The following MSRA variants were observed in gnomAD, a reference collection of about 807,000 sequenced individuals.
The protein encoded by MSRA is methionine sulfoxide reductase A.
MSRA carries 54 observed loss-of-function variants against 31.3 expected under a neutral mutation model. The observed-to-expected ratio is 1.73, with a 90% CI of 1.39 to 2.17. The LOEUF (loss-of-function observed/expected upper bound fraction) is 2.17. MSRA is among the 30% of genes most tolerant of loss of function. The pLI is 0.00. For synonymous variants in MSRA, 169 were observed against 116.5 expected (o/e 1.45, Z -2.90); for missense variants, 507 against 300.9 (o/e 1.69, Z -5.07).
intron 1 of MSRA, among the ~76,000 whole-genome samples, chr8:10,150,424 A>T (rs576077540): frequency 6.6e-6 from 1 of 152,334 alleles, no homozygotes; most frequent in Middle Eastern, 3.4e-3. Context: ...CTATTCAGTG[A>T]TATTAAATAC....
intron 1 of MSRA, among the ~76,000 whole-genome samples, chr8:10,068,783 A>ACAGTTTAGATGTTTAGAT (rs1563393588): frequency 2.6e-5 from 4 of 152,092 alleles, no homozygotes; most frequent in African/African-American, 9.7e-5. Context: ...TTCCATATAA[A>ACAGTTTAGATGTTTAGAT]GTTTAGAATC....
intron 1 of MSRA, among the ~76,000 whole-genome samples, chr8:10,186,248 G>A (rs1209855217): frequency 1.3e-5 from 2 of 152,058 alleles, no homozygotes; most frequent in African/African-American, 2.4e-5. Flanking sequence ...TCTAGGACAG[G>A]GGCTGGCAAA....
intron 1 of MSRA, among the ~76,000 whole-genome samples, chr8:10,160,837 T>C (rs1804576136): frequency 6.6e-6 from 1 of 152,238 alleles, no homozygotes; most frequent in Admixed American, 6.5e-5. Flanking sequence ...CGAGATTTCA[T>C]TTTTAAAAAA....
chr8:10,095,468 T>A, intron 1 of MSRA: 1 of 985,418 alleles, frequency 1.0e-6, no homozygotes, highest in Non-Finnish European at 1.2e-6. Context: ...AAAGGACATC[T>A]TTTGGAGACA....
At chr8:10,249,402 C>G (rs767432648) in intron 3 of MSRA, among the ~76,000 whole-genome samples, 3 of 152,212 alleles carry the variant, frequency 2.0e-5, no homozygotes, top group Non-Finnish European at 2.9e-5. Context: ...CCTCCATGAT[C>G]TTCCAAGGCT....
At position 10,196,321 on chromosome 8, in the gene MSRA, G is replaced by T. The variant is rs77432673; in HGVS notation, c.143-11512G>T. ...TTTTGGAGGCACACGTTGGGCTCCA[G>T]AGTGACAGTATGACTTGGGTGATAG... On this transcript the variant is annotated intron_variant, in intron 1 of 5. Transcript: ENST00000317173. Among the ~76,000 whole-genome samples, 1,164 of 152,280 alleles carry T rather than the reference G, an allele frequency of 7.6e-3. 68 individuals carry two copies. The East Asian group carries it at 0.15, about 20-fold the overall frequency.
chr8:10,229,358 C>T (rs1056617257), intron 2 of MSRA, among the ~76,000 whole-genome samples: 2 of 152,178 alleles, frequency 1.3e-5, no homozygotes, highest in Non-Finnish European at 2.9e-5. Flanking sequence ...GAGTTTTATG[C>T]TTGAGAAATG....
chr8:10,379,798 C>T (rs938986038), intron 5 of MSRA, among the ~76,000 whole-genome samples: 1 of 152,226 alleles, frequency 6.6e-6, no homozygotes, highest in Non-Finnish European at 1.5e-5. Flanking sequence ...CTGCCAGTGG[C>T]AGTCTGCAGG....
chr8:10,122,876 T>A (rs1801228070), intron 1 of MSRA, among the ~76,000 whole-genome samples: 1 of 152,238 alleles, frequency 6.6e-6, no homozygotes, highest in African/African-American at 2.4e-5. Context: ...TCGTTCTTTT[T>A]TATGGTGGCA....
intron 1 of MSRA, among the ~76,000 whole-genome samples, chr8:10,057,999 ATAGAG>A (rs1412897717): frequency 1.3e-5 from 2 of 152,202 alleles, no homozygotes; most frequent in Admixed American, 1.3e-4. Context: ...TTACCTTTTT[ATAGAG>A]TATCAGTGGG....
chr8:10,082,461 C>T (rs750181298), intron 1 of MSRA, among the ~76,000 whole-genome samples: 4 of 152,150 alleles, frequency 2.6e-5, no homozygotes, highest in Non-Finnish European at 4.4e-5. Context: ...CTTTCGCCCT[C>T]CTAAGAAAAC....
At chr8:10,369,445 C>G (rs905196575) in intron 5 of MSRA, among the ~76,000 whole-genome samples, 11 of 152,140 alleles carry the variant, frequency 7.2e-5, no homozygotes, top group African/African-American at 2.7e-4. Flanking sequence ...ATAATTAGAG[C>G]AAACAAAATG....
intron 4 of MSRA, among the ~76,000 whole-genome samples, chr8:10,308,078 T>C (rs2129129949): frequency 1.3e-5 from 2 of 152,290 alleles, no homozygotes; most frequent in Admixed American, 1.3e-4. Flanking sequence ...AGCCTGACCC[T>C]TGTGCTGCTA....
At chr8:10,345,699 A>T (rs929958198) in intron 5 of MSRA, among the ~76,000 whole-genome samples, 1 of 152,242 alleles carries the variant, frequency 6.6e-6, no homozygotes, top group Admixed American at 6.5e-5. Flanking sequence ...TAATTACATT[A>T]TGAGAAGTGC....
chr8:10,282,269 G>C (rs902753922), intron 3 of MSRA, among the ~76,000 whole-genome samples: 2 of 152,194 alleles, frequency 1.3e-5, no homozygotes, highest in South Asian at 2.1e-4. Context: ...CCAAGATAGA[G>C]AACACAGTGC....
chr8:10,368,705 A>G (rs1029231093), intron 5 of MSRA, among the ~76,000 whole-genome samples: 7 of 152,262 alleles, frequency 4.6e-5, no homozygotes, highest in African/African-American at 1.2e-4. Context: ...AACAGTTTGT[A>G]TCTGATCCTG....
At chr8:10,355,360 A>G (rs1804447043) in intron 5 of MSRA, among the ~76,000 whole-genome samples, 1 of 152,248 alleles carries the variant, frequency 6.6e-6, no homozygotes, top group Non-Finnish European at 1.5e-5. Flanking sequence ...GCCGATAGAT[A>G]TGACATTTGC....
At chr8:10,112,344 T>G (rs963805882) in intron 1 of MSRA, among the ~76,000 whole-genome samples, 1 of 152,152 alleles carries the variant, frequency 6.6e-6, no homozygotes, top group Non-Finnish European at 1.5e-5. Context: ...AATAAAGAAA[T>G]AAAAGCTGTT....
intron 5 of MSRA, among the ~76,000 whole-genome samples, chr8:10,376,975 G>A (rs1485844203): frequency 6.6e-6 from 1 of 152,218 alleles, no homozygotes; most frequent in East Asian, 1.9e-4. Flanking sequence ...AGGACTGAAT[G>A]TTAGCCCAGA....
Sources: gnomAD v4.1 joint callset for allele counts (sites outside exome capture counted in the v4.1 genomes callset) on GRCh38, gnomAD v4.1.1 for gene constraint, MANE v1.5 for transcripts, NCBI Gene and HGNC (gene_info 2026-07-23, HGNC 2026-07-21) for gene names.